The following EFHC1 variants were observed in gnomAD, a reference collection of about 807,000 sequenced individuals.
EFHC1 encodes the protein EF-hand domain containing 1.
Under a neutral mutation model 69.9 loss-of-function variants are expected in EFHC1, and 53 were observed. The observed-to-expected ratio is 0.76, with a 90% CI of 0.61 to 0.95. The LOEUF (loss-of-function observed/expected upper bound fraction) is 0.95. EFHC1 is among the 40% of genes least tolerant of loss of function. The probability of loss-of-function intolerance (pLI) is 0.00; values close to 1 mark genes in which losing one functional copy is unlikely to be tolerated. For synonymous variants in EFHC1, 256 were observed against 278.4 expected (o/e 0.92, Z 0.80); for missense variants, 739 against 798.7 (o/e 0.93, Z 0.90).
chr6:52,438,488 A>C lies in EFHC1; in HGVS notation c.470A>C (p.Asn157Thr). The C allele has an allele frequency of 6.2e-7, 1 of 1,614,138 alleles. No homozygotes were observed. The highest frequency in any genetic ancestry group is 8.5e-7 in the Non-Finnish European group (1 of 1,179,996). The change falls in exon 3 of 11, where the codon AAT becomes ACT. Residue 157 changes from asparagine to threonine, a missense_variant. Coordinates refer to ENST00000371068, the MANE Select transcript of EFHC1 (RefSeq NM_018100.4). ...KLIKRQRLAK[N>T]DRGDHYHWKD... ...ATAAAACGCCAGCGGCTAGCCAAGA[A>C]TGACCGGGGTGACCATTACCATTGG...
chr6:52,462,569 A>C (rs7757573), intron 5 of EFHC1, among the ~76,000 whole-genome samples: 14,894 of 152,172 alleles, frequency 0.098, 813 homozygotes, highest in Middle Eastern at 0.24. Context: ...AAACAAAAGA[A>C]GGCACATATA....
At position 52,424,003 on chromosome 6, in the gene EFHC1, C is replaced by T. The variant is rs754931103; in HGVS notation, c.121C>T (p.Arg41Ter). 3.7e-5 allele frequency: 59 copies of T among 1,613,896 alleles called. No individual in the cohort carries two copies. Among genetic ancestry groups the T allele is most frequent in the Non-Finnish European group, 4.7e-5 (55 of 1,180,026 alleles). ...LSYRNGYAIV[R>*]RPTVGIGGDR... Reference sequence around the variant, plus strand: ...CTACAGGAACGGCTATGCAATTGTTCGACGTCCAACAGTTGGGATAGGCGG... The same window carrying T: ...CTACAGGAACGGCTATGCAATTGTTTGACGTCCAACAGTTGGGATAGGCGG... The change falls in exon 2 of 11, where the codon CGA becomes TGA. Residue 41 changes from arginine (R) to a stop codon, truncating the protein, a stop_gained. Coordinates refer to ENST00000371068, the MANE Select transcript of EFHC1 (RefSeq NM_018100.4). LOFTEE classifies it high-confidence loss of function.
chr6:52,452,842 G>C lies in EFHC1; in HGVS notation c.723+5G>C, dbSNP rs1300508769. On this transcript the variant is annotated splice_donor_5th_base_variant and intron_variant, in intron 4 of 10. Coordinates refer to ENST00000371068, the MANE Select transcript of EFHC1 (RefSeq NM_018100.4). ...TTTCTCACCTTTGACAAACAGGTAA[G>C]TGACATAGGAACCACAATAGGCTTA... is the stretch of plus-strand genomic sequence containing the variant. 3 of 1,613,988 alleles carry C rather than the reference G, an allele frequency of 1.9e-6. No homozygotes were observed. Among genetic ancestry groups the C allele is most frequent in the Non-Finnish European group, 2.5e-6 (3 of 1,180,032 alleles).
At position 52,492,294 on chromosome 6, in the gene EFHC1, G is replaced by A; in HGVS notation, c.1876G>A (p.Glu626Lys). 6.2e-7 allele frequency: 1 copy of A among 1,614,036 alleles called. No individual in the cohort carries two copies. The highest frequency in any genetic ancestry group is 1.1e-5 in the South Asian group (1 of 91,070). Residue 626 changes from glutamate to lysine, a missense_variant, in exon 11 of 11, where the codon GAA becomes AAA. Physicochemically the swap from Glu to Lys is moderately conservative, Grantham distance 56. Transcript: ENST00000371068. The stretch of plus-strand genomic sequence containing the variant: ...GTTAATCAGGATGTGCTCTCATGGA[G>A]AAGGCAAAATTAACTACTATAACTT... ...KELIRMCSHG[E>K]GKINYYNFVR...
intron 2 of EFHC1, among the ~76,000 whole-genome samples, chr6:52,426,855 C>T (rs1333681432): frequency 6.6e-6 from 1 of 152,180 alleles, no homozygotes; most frequent in Non-Finnish European, 1.5e-5. Flanking sequence ...AAATGACTAC[C>T]TAACTGTTGT....
chr6:52,493,386 T>TATATATATATAAATATATATATATATATA lies in EFHC1; in HGVS notation c.*1045_*1046insATATATATATAAATATATATATATATATA, dbSNP rs60720755. 8.3e-6 allele frequency: 1 copy of TATATATATATAAATATATATATATATATA among 120,230 alleles called. No homozygotes were observed. Among genetic ancestry groups the TATATATATATAAATATATATATATATATA allele is most frequent in the Non-Finnish European group, 1.8e-5 (1 of 55,622 alleles). The allele number at this position is 120,230 out of a possible 1,614,324, so 7.4% of individuals were successfully genotyped here. On this transcript the variant is annotated 3_prime_UTR_variant, in exon 11 of 11. Coordinates refer to ENST00000371068, the MANE Select transcript of EFHC1 (RefSeq NM_018100.4). ...TCTACATATATATATATATATATAT[T>TATATATATATAAATATATATATATATATA]TTATATGTACACATTCATACACACA...
chr6:52,443,455 A>G (rs1764710130), intron 3 of EFHC1, among the ~76,000 whole-genome samples: 1 of 152,118 alleles, frequency 6.6e-6, no homozygotes, highest in African/African-American at 2.4e-5. Flanking sequence ...ATCTTGAATT[A>G]ATTTTTGTAT....
chr6:52,439,685 C>T (rs1000654061), intron 3 of EFHC1, among the ~76,000 whole-genome samples: 10 of 151,884 alleles, frequency 6.6e-5, no homozygotes, highest in African/African-American at 2.4e-4. Context: ...TTTATAGAGG[C>T]GGATCAGAGA....
At chr6:52,478,365 T>A (rs1232325734) in intron 7 of EFHC1, among the ~76,000 whole-genome samples, 5 of 152,100 alleles carry the variant, frequency 3.3e-5, no homozygotes, top group African/African-American at 9.7e-5. Context: ...GCATGGCACA[T>A]GTATACATAT....
intron 5 of EFHC1, among the ~76,000 whole-genome samples, chr6:52,458,432 T>G (rs112338774): frequency 0.037 from 5,622 of 152,282 alleles, 334 homozygotes; most frequent in African/African-American, 0.12. Flanking sequence ...ATCCAGAATC[T>G]ATAAGGAACT....
chr6:52,420,705 T>C (rs1418516252), intron 1 of EFHC1, among the ~76,000 whole-genome samples: 1 of 152,138 alleles, frequency 6.6e-6, no homozygotes, highest in Non-Finnish European at 1.5e-5. Flanking sequence ...TCTAGTTTTT[T>C]CCCACTCCAT....
At chr6:52,450,799 TTTTG>T (rs1237825682) in intron 3 of EFHC1, among the ~76,000 whole-genome samples, 8 of 150,030 alleles carry the variant, frequency 5.3e-5, no homozygotes, top group African/African-American at 1.2e-4. Flanking sequence ...TGTTTGTTTG[TTTTG>T]TTTGTTTGTT....
chr6:52,448,917 A>C (rs1282215608), intron 3 of EFHC1, among the ~76,000 whole-genome samples: 1 of 152,186 alleles, frequency 6.6e-6, no homozygotes, highest in Non-Finnish European at 1.5e-5. Context: ...TTCAGTTTGC[A>C]GATATTTTGT....
chr6:52,480,920 G>A (rs1429691032), intron 9 of EFHC1, among the ~76,000 whole-genome samples: 2 of 138,102 alleles, frequency 1.4e-5, no homozygotes, highest in African/African-American at 2.5e-5. Flanking sequence ...TTGGAAAGGT[G>A]CTGGCTTTTT....
At chr6:52,468,016 G>A (rs145085575) in intron 6 of EFHC1, among the ~76,000 whole-genome samples, 3 of 152,318 alleles carry the variant, frequency 2.0e-5, no homozygotes, top group Non-Finnish European at 4.4e-5. Flanking sequence ...GAGAGGTATG[G>A]CACTTGTAAG....
intron 6 of EFHC1, among the ~76,000 whole-genome samples, chr6:52,466,353 TC>T (rs1480205919): frequency 1.3e-5 from 2 of 152,202 alleles, no homozygotes; most frequent in African/African-American, 4.8e-5. Flanking sequence ...CTTGTTTTAC[TC>T]CCAGGAACTT....
In EFHC1 at chr6:52,454,043, T is replaced by C. The variant is rs1289138409; in HGVS notation, c.724-52T>C. ...ATACATAATTGCCAAAGTAGCCAAG[T>C]TGAACTCCCTACTTTTAGGATTCTT... is the stretch of plus-strand genomic sequence containing the variant. On this transcript the variant is annotated intron_variant, in intron 4 of 10. Transcript: ENST00000371068. The C allele has an allele frequency of 2.5e-6, 4 of 1,610,906 alleles. No individual in the cohort carries two copies. The East Asian group carries it at 6.7e-5, about 27-fold the overall frequency.
intron 7 of EFHC1, among the ~76,000 whole-genome samples, chr6:52,476,817 C>T (rs1226583735): frequency 1.3e-5 from 2 of 152,134 alleles, no homozygotes; most frequent in African/African-American, 4.8e-5. Context: ...AATGTGGGAT[C>T]CTGGATGGGA....
At position 52,420,380 on chromosome 6, in the gene EFHC1, G is replaced by A. The variant is rs757826662; in HGVS notation, c.-31G>A. On this transcript the variant is annotated 5_prime_UTR_variant, in exon 1 of 11. Transcript: ENST00000371068. The stretch of plus-strand genomic sequence containing the variant: ...TGGGCAACCGGAGAGGACGAAGCAG[G>A]ACCTAGGTGGCGGCGGTGGTACCGG... 8 of 1,614,120 alleles carry A rather than the reference G, an allele frequency of 5.0e-6. No homozygotes were observed. Among genetic ancestry groups the A allele is most frequent in the Admixed American group, 1.7e-5 (1 of 60,016 alleles).
Sources: gnomAD v4.1 joint callset for allele counts (sites outside exome capture counted in the v4.1 genomes callset) on GRCh38, gnomAD v4.1.1 for gene constraint, MANE v1.5 for transcripts, NCBI Gene and HGNC (gene_info 2026-07-23, HGNC 2026-07-21) for gene names.